The following OXT variants were observed in gnomAD, a reference collection of about 807,000 sequenced individuals.
The protein encoded by OXT is oxytocin-neurophysin 1 proprotein.
Under a neutral mutation model 11.2 loss-of-function variants are expected in OXT, and 9 were observed. The ratio of observed to expected loss-of-function variants is 0.80; its 90% CI spans 0.49 to 1.40. The LOEUF is 1.40. Ranked by LOEUF, OXT falls within the 40% of genes most tolerant of loss-of-function variation. The probability of loss-of-function intolerance (pLI) is 0.00; values close to 1 mark genes in which losing one functional copy is unlikely to be tolerated. For missense variants in OXT, 175 were observed against 178.7 expected (o/e 0.98, Z 0.12); for synonymous variants, 76 against 80.9 (o/e 0.94, Z 0.33).
At position 3,071,810 on chromosome 20, in the gene OXT, G is replaced by A. The variant is rs751761595; in HGVS notation, c.120+35G>A. Reference sequence around the variant, plus strand: ...CAGCCCTGGTCCCGCGGCGCTCCGGGGAGGGAGGGACCCGCAGCCACAGGG... The same window carrying A: ...CAGCCCTGGTCCCGCGGCGCTCCGGAGAGGGAGGGACCCGCAGCCACAGGG... On this transcript the variant is annotated intron_variant, in intron 1 of 2. Transcript: ENST00000217386. This position sits in a 1 kb window ranked among gnomAD's most constrained non-coding sequence, Gnocchi z 4.8. The A allele has an allele frequency of 1.9e-6, 3 of 1,539,636 alleles. No homozygotes were observed. Among genetic ancestry groups the A allele is most frequent in the South Asian group, 1.2e-5 (1 of 84,224 alleles).
rs1396657690 is a variant in OXT at position 3,071,690 on chromosome 20, G to A, written c.35G>A (p.Gly12Asp). ...AGPSLACCLL[G>D]LLALTSACYI... Reference sequence around the variant, plus strand: ...CCCAGCCTCGCTTGCTGTCTGCTCGGCCTCCTGGCGCTGACCTCCGCCTGC... The same window carrying A: ...CCCAGCCTCGCTTGCTGTCTGCTCGACCTCCTGGCGCTGACCTCCGCCTGC... Residue 12 changes from glycine (G) to aspartate (D), a missense_variant, in exon 1 of 3, where the codon GGC (glycine) becomes GAC (aspartate). Transcript: ENST00000217386. The surrounding 1 kb of genome is among the most constrained non-coding windows in gnomAD (Gnocchi z 4.8). The A allele has an allele frequency of 6.3e-7, 1 of 1,595,522 alleles. No individual in the cohort carries two copies. Among genetic ancestry groups the A allele is most frequent in the Non-Finnish European group, 8.5e-7 (1 of 1,174,984 alleles).
chr20:3,072,501 C>A lies in OXT; in HGVS notation c.*83C>A. 6.8e-7 allele frequency: 1 copy of A among 1,467,022 alleles called. No individual in the cohort carries two copies. Among genetic ancestry groups the A allele is most frequent in the Non-Finnish European group, 9.5e-7 (1 of 1,053,750 alleles). 90.9% of individuals were successfully genotyped at this position (1,467,022 alleles called of 1,614,324 possible). A position where few individuals can be genotyped will look rare whatever the true frequency, so the allele number is the denominator to read the frequency against. Reference sequence around the variant, plus strand: ...CAGAAATGGTGAAAATAAAATAAAGCAGGTTTTTCTCCTCTACCTTGACTC... The same window carrying A: ...CAGAAATGGTGAAAATAAAATAAAGAAGGTTTTTCTCCTCTACCTTGACTC... On this transcript the variant is annotated 3_prime_UTR_variant, in exon 3 of 3. Coordinates refer to ENST00000217386, the MANE Select transcript of OXT (RefSeq NM_000915.4).
rs767358613 is a variant in OXT at position 3,071,679 on chromosome 20, C to T, written c.24C>T (p.Cys8=). 1.3e-6 allele frequency: 2 copies of T among 1,599,876 alleles called. No individual in the cohort carries two copies. Among genetic ancestry groups the T allele is most frequent in the Non-Finnish European group, 8.5e-7 (1 of 1,176,928 alleles). The change falls in exon 1 of 3, where the codon TGC becomes TGT. Residue 8 remains cysteine, a synonymous_variant. Coordinates refer to ENST00000217386, the MANE Select transcript of OXT (RefSeq NM_000915.4). The surrounding 1 kb of genome is among the most constrained non-coding windows in gnomAD (Gnocchi z 4.8). The stretch of plus-strand genomic sequence containing the variant: ...CCATGGCCGGCCCCAGCCTCGCTTG[C>T]TGTCTGCTCGGCCTCCTGGCGCTGA... The part of the protein sequence containing the change: MAGPSLA[C]CLLGLLALTS...
At position 3,072,513 on chromosome 20, in the gene OXT, C is replaced by A; in HGVS notation, c.*95C>A. The A allele has an allele frequency of 7.4e-7, 1 of 1,358,328 alleles. No homozygotes were observed. Among genetic ancestry groups the A allele is most frequent in the Non-Finnish European group, 1.0e-6 (1 of 962,808 alleles). The allele number at this position is 1,358,328 out of a possible 1,614,324, so 84.1% of individuals were successfully genotyped here. A position where few individuals can be genotyped will look rare whatever the true frequency, so the allele number is the denominator to read the frequency against. On this transcript the variant is annotated 3_prime_UTR_variant, in exon 3 of 3. Coordinates refer to ENST00000217386, the MANE Select transcript of OXT (RefSeq NM_000915.4). ...AAATAAAATAAAGCAGGTTTTTCTCCTCTACCTTGACTCGTGTCTAAGTGC... is the reference window on the plus strand; with the variant it reads ...AAATAAAATAAAGCAGGTTTTTCTCATCTACCTTGACTCGTGTCTAAGTGC...
In OXT at chr20:3,072,324, G is replaced by C. The variant is rs776867777; in HGVS notation, c.323-39G>C. 1.1e-5 allele frequency: 17 copies of C among 1,602,740 alleles called. No individual in the cohort carries two copies. In the Admixed American group the frequency reaches 2.3e-4, roughly 22 times the overall value. ...CGGGGCCAGGGGGAGGCGGGCGGGG[G>C]TGCGGCCGGGATTCCCCTGACTCCA... On this transcript the variant is annotated intron_variant, in intron 2 of 2. Coordinates refer to ENST00000217386, the MANE Select transcript of OXT (RefSeq NM_000915.4).
In OXT at chr20:3,071,975, C is replaced by T. The variant is rs2148565836; in HGVS notation, c.121-102C>T. ...TCCCGCCCGAACTCCGAACCCCGGACCCCAGCATCCTTGCCCGGCGCACCC... is the reference window on the plus strand; with the variant it reads ...TCCCGCCCGAACTCCGAACCCCGGATCCCAGCATCCTTGCCCGGCGCACCC... On this transcript the variant is annotated intron_variant, in intron 1 of 2. Transcript: ENST00000217386. The surrounding 1 kb of genome is among the most constrained non-coding windows in gnomAD (Gnocchi z 4.8). 3 of 1,360,970 alleles carry T rather than the reference C, an allele frequency of 2.2e-6. No homozygotes were observed. The highest frequency in any genetic ancestry group is 1.5e-5 in the African/African-American group (1 of 64,920). 84.3% of individuals were successfully genotyped at this position (1,360,970 alleles called of 1,614,324 possible). A position where few individuals can be genotyped will look rare whatever the true frequency, so the allele number is the denominator to read the frequency against.
In OXT at chr20:3,071,829, C is replaced by T. The variant is rs889159409; in HGVS notation, c.120+54C>T. ...CTCCGGGGAGGGAGGGACCCGCAGCCACAGGGGCGCGCCCCGCTCCGGCCT... is the reference window on the plus strand; with the variant it reads ...CTCCGGGGAGGGAGGGACCCGCAGCTACAGGGGCGCGCCCCGCTCCGGCCT... On this transcript the variant is annotated intron_variant, in intron 1 of 2. Coordinates refer to ENST00000217386, the MANE Select transcript of OXT (RefSeq NM_000915.4). This position sits in a 1 kb window ranked among gnomAD's most constrained non-coding sequence, Gnocchi z 4.8. The T allele has an allele frequency of 2.6e-5, 39 of 1,519,408 alleles. No individual in the cohort carries two copies. The highest frequency in any genetic ancestry group is 1.2e-4 in the Admixed American group (6 of 48,126). 94.1% of individuals were successfully genotyped at this position (1,519,408 alleles called of 1,614,324 possible). A position where few individuals can be genotyped will look rare whatever the true frequency, so the allele number is the denominator to read the frequency against.
chr20:3,072,461 C>T lies in OXT; in HGVS notation c.*43C>T, dbSNP rs567128901. ...CACCCTCGAAGCGCGCCACTCGCTTCCCCCATAGCCACCCCAGAAATGGTG... is the reference window on the plus strand; with the variant it reads ...CACCCTCGAAGCGCGCCACTCGCTTTCCCCATAGCCACCCCAGAAATGGTG... On this transcript the variant is annotated 3_prime_UTR_variant, in exon 3 of 3. Coordinates refer to ENST00000217386, the MANE Select transcript of OXT (RefSeq NM_000915.4). 28 of 1,589,606 alleles carry T rather than the reference C, an allele frequency of 1.8e-5. No homozygotes were observed. Among genetic ancestry groups the T allele is most frequent in the Non-Finnish European group, 2.0e-5 (23 of 1,159,302 alleles).
intron 1 of OXT, 34 bp from the exon 2 acceptor site, chr20:3,072,043 C>CCCCGGCTCCCGCTCACCCCG: frequency 6.7e-7 from 1 of 1,487,394 alleles, no homozygotes; most frequent in Non-Finnish European, 8.9e-7. Context: ...CCCAGCGCCG[C>CCCCGGCTCCCGCTCACCCCG]CCCGGCTCCC....
In OXT at chr20:3,071,828, C is replaced by G. The variant is rs2066076716; in HGVS notation, c.120+53C>G. 3 of 1,522,054 alleles carry G rather than the reference C, an allele frequency of 2.0e-6. No individual in the cohort carries two copies. The highest frequency in any genetic ancestry group is 2.6e-6 in the Non-Finnish European group (3 of 1,140,882). 94.3% of individuals were successfully genotyped at this position (1,522,054 alleles called of 1,614,324 possible). A position where few individuals can be genotyped will look rare whatever the true frequency, so the allele number is the denominator to read the frequency against. On this transcript the variant is annotated intron_variant, in intron 1 of 2. Coordinates refer to ENST00000217386, the MANE Select transcript of OXT (RefSeq NM_000915.4). This position sits in a 1 kb window ranked among gnomAD's most constrained non-coding sequence, Gnocchi z 4.8. ...GCTCCGGGGAGGGAGGGACCCGCAG[C>G]CACAGGGGCGCGCCCCGCTCCGGCC...
rs1374638867 is a variant in OXT, at chr20:3,071,822, C to T, written c.120+47C>T. On this transcript the variant is annotated intron_variant, in intron 1 of 2. Coordinates refer to ENST00000217386, the MANE Select transcript of OXT (RefSeq NM_000915.4). This position sits in a 1 kb window ranked among gnomAD's most constrained non-coding sequence, Gnocchi z 4.8. ...CGCGGCGCTCCGGGGAGGGAGGGAC[C>T]CGCAGCCACAGGGGCGCGCCCCGCT... 6 of 1,527,798 alleles carry T rather than the reference C, an allele frequency of 3.9e-6. No individual in the cohort carries two copies. The highest frequency in any genetic ancestry group is 5.2e-6 in the Non-Finnish European group (6 of 1,143,606). The allele number at this position is 1,527,798 out of a possible 1,614,324, so 94.6% of individuals were successfully genotyped here.
At position 3,072,392 on chromosome 20, in the gene OXT, G is replaced by A. The variant is rs1167523082; in HGVS notation, c.352G>A (p.Ala118Thr). ...CTGCCACGCCGACCCTGCCTGCGAC[G>A]CGGAAGCCACCTTCTCCCAGCGCTG... ...DGCHADPACD[A>T]EATFSQR Residue 118 changes from alanine to threonine, a missense_variant, in exon 3 of 3, where the codon GCG becomes ACG. Coordinates refer to ENST00000217386, the MANE Select transcript of OXT (RefSeq NM_000915.4). 3 of 1,612,414 alleles carry A rather than the reference G, an allele frequency of 1.9e-6. No individual in the cohort carries two copies. Among genetic ancestry groups the A allele is most frequent in the South Asian group, 1.1e-5 (1 of 91,090 alleles).
At chr20:3,072,307 G>C in intron 2 of OXT, 29 bp downstream of exon 2, 1 of 1,560,052 alleles carries the variant, frequency 6.4e-7, no homozygotes, top group Non-Finnish European at 8.7e-7. Context: ...TCCGGGGCCA[G>C]GGGGAGGCGG....
At position 3,071,630 on chromosome 20, in the gene OXT, G is replaced by T; in HGVS notation, c.-26G>T. Reference sequence around the variant, plus strand: ...GCCGGAGAGACCGCCACCAGTCACGGACCCTGGACCCAGCGCACCCGCACC... The same window carrying T: ...GCCGGAGAGACCGCCACCAGTCACGTACCCTGGACCCAGCGCACCCGCACC... On this transcript the variant is annotated 5_prime_UTR_variant, in exon 1 of 3. Coordinates refer to ENST00000217386, the MANE Select transcript of OXT (RefSeq NM_000915.4). The surrounding 1 kb of genome is among the most constrained non-coding windows in gnomAD (Gnocchi z 4.8). The T allele has an allele frequency of 6.2e-7, 1 of 1,600,984 alleles. No individual in the cohort carries two copies. Among genetic ancestry groups the T allele is most frequent in the Non-Finnish European group, 8.5e-7 (1 of 1,178,394 alleles).
rs1422195378 is a variant in OXT at position 3,072,060 on chromosome 20, C to T, written c.121-17C>T. 2.0e-6 allele frequency: 3 copies of T among 1,507,160 alleles called. No individual in the cohort carries two copies. The highest frequency in any genetic ancestry group is 2.6e-6 in the Non-Finnish European group (3 of 1,136,020). 93.4% of individuals were successfully genotyped at this position (1,507,160 alleles called of 1,614,324 possible). On this transcript the variant is annotated splice_polypyrimidine_tract_variant and intron_variant, in intron 1 of 2. Transcript: ENST00000217386. ...CAGCGCCGCCCCGGCTCCCGCTCAC[C>T]CCGCCCGTCCCCGCAGTGCCTCCCC...
chr20:3,071,681 G>T lies in OXT; in HGVS notation c.26G>T (p.Cys9Phe), dbSNP rs772956485. 81 of 1,599,116 alleles carry T rather than the reference G, an allele frequency of 5.1e-5. No homozygotes were observed. The South Asian group carries it at 8.9e-4, about 17-fold the overall frequency. Residue 9 changes from cysteine (C) to phenylalanine (F), a missense_variant, in exon 1 of 3, where the codon TGT (cysteine) becomes TTT (phenylalanine). Coordinates refer to ENST00000217386, the MANE Select transcript of OXT (RefSeq NM_000915.4). This position sits in a 1 kb window ranked among gnomAD's most constrained non-coding sequence, Gnocchi z 4.8. ...ATGGCCGGCCCCAGCCTCGCTTGCT[G>T]TCTGCTCGGCCTCCTGGCGCTGACC... MAGPSLAC[C>F]LLGLLALTSA...
Position 3,071,758 on chromosome 20 carries a change from G to A in OXT, c.103G>A (p.Asp35Asn). Residue 35 changes from aspartate to asparagine, a missense_variant, in exon 1 of 3, where the codon GAC becomes AAC. Asp to Asn is a conservative substitution (Grantham distance 23). Transcript: ENST00000217386. The surrounding 1 kb of genome is among the most constrained non-coding windows in gnomAD (Gnocchi z 4.8). ...CCTGGGAGGCAAGAGGGCCGCGCCGGACCTCGACGTGCGCAAGGTGAGTCC... is the reference window on the plus strand; with the variant it reads ...CCTGGGAGGCAAGAGGGCCGCGCCGAACCTCGACGTGCGCAAGGTGAGTCC... ...CPLGGKRAAP[D>N]LDVRKCLPCG... The A allele has an allele frequency of 6.3e-7, 1 of 1,577,764 alleles. No individual in the cohort carries two copies. The highest frequency in any genetic ancestry group is 8.6e-7 in the Non-Finnish European group (1 of 1,167,100).
Position 3,071,915 on chromosome 20 carries a change from C to T in OXT, c.120+140C>T, listed in dbSNP as rs1401662983. 1.5e-6 allele frequency: 2 copies of T among 1,342,866 alleles called. No homozygotes were observed. Among genetic ancestry groups the T allele is most frequent in the Non-Finnish European group, 9.7e-7 (1 of 1,027,738 alleles). The allele number at this position is 1,342,866 out of a possible 1,614,324, so 83.2% of individuals were successfully genotyped here. ...GCCCCGCCCTTGACCGCGGTCGAGGCCCCCACGGCGCCCCAGCGCGTCTCA... is the reference window on the plus strand; with the variant it reads ...GCCCCGCCCTTGACCGCGGTCGAGGTCCCCACGGCGCCCCAGCGCGTCTCA... On this transcript the variant is annotated intron_variant, in intron 1 of 2. Transcript: ENST00000217386. The surrounding 1 kb of genome is among the most constrained non-coding windows in gnomAD (Gnocchi z 4.8).
chr20:3,071,908 G>A lies in OXT; in HGVS notation c.120+133G>A. On this transcript the variant is annotated intron_variant, in intron 1 of 2. Coordinates refer to ENST00000217386, the MANE Select transcript of OXT (RefSeq NM_000915.4). This position sits in a 1 kb window ranked among gnomAD's most constrained non-coding sequence, Gnocchi z 4.8. ...TTTTGACGCCCCGCCCTTGACCGCG[G>A]TCGAGGCCCCCACGGCGCCCCAGCG... 7.3e-7 allele frequency: 1 copy of A among 1,368,998 alleles called. No homozygotes were observed. Among genetic ancestry groups the A allele is most frequent in the Non-Finnish European group, 9.5e-7 (1 of 1,050,608 alleles). The allele number at this position is 1,368,998 out of a possible 1,614,324, so 84.8% of individuals were successfully genotyped here.
Sources: gnomAD v4.1 joint callset for allele counts on GRCh38, gnomAD v4.1.1 for gene constraint, Gnocchi (gnomAD v3.1) non-coding constraint, MANE v1.5 for transcripts, NCBI Gene and HGNC (gene_info 2026-07-23, HGNC 2026-07-21) for gene names.